DPP6: variants seen among roughly 807,000 people sequenced by gnomAD.
DPP6 encodes the protein dipeptidyl peptidase like 6.
In DPP6, 69 loss-of-function variants were observed where a neutral mutation model predicts 122.6. That is an observed-to-expected ratio of 0.56 (90% CI 0.46 to 0.69). The LOEUF is 0.69. DPP6 is among the 30% of genes least tolerant of loss of function. DPP6 has a pLI of 0.00. For missense variants in DPP6, 928 were observed against 1,116.9 expected, an observed-to-expected ratio of 0.83 and a Z score of 2.41; for synonymous variants, 418 against 433.1, an observed-to-expected ratio of 0.97 and a Z score of 0.43.
intron 10 of DPP6, among the ~76,000 whole-genome samples, chr7:154,779,063 A>G (rs111204741): frequency 3.1e-3 from 7 of 2,252 alleles, no homozygotes; most frequent in Admixed American, 5.1e-3. Context: ...CACCATCACC[A>G]CCATCACCTC....
At chr7:153,906,275 G>T (rs1041068489) in intron 1 of DPP6, among the ~76,000 whole-genome samples, 1 of 152,100 alleles carries the variant, frequency 6.6e-6, no homozygotes, top group Non-Finnish European at 1.5e-5. Flanking sequence ...GGTGAAGTCT[G>T]GGCTTTTTGT....
intron 7 of DPP6, among the ~76,000 whole-genome samples, chr7:154,693,166 G>T (rs116217392): frequency 0.014 from 2,193 of 151,990 alleles, 54 homozygotes; most frequent in African/African-American, 0.049. Flanking sequence ...GTGGTAATTT[G>T]GCTCCCCTAA....
chr7:154,841,387 G>A (rs969275085), intron 16 of DPP6, among the ~76,000 whole-genome samples: 2 of 148,862 alleles, frequency 1.3e-5, no homozygotes, highest in African/African-American at 2.5e-5. Flanking sequence ...TTGCCTCAGC[G>A]CACAAAACTG....
chr7:153,759,258 C>T, the DPP6 span, among the ~76,000 whole-genome samples: 1 of 151,130 alleles, frequency 6.6e-6, no homozygotes, highest in African/African-American at 2.4e-5. Context: ...TCATAAATGT[C>T]TTTATCAGCT....
At chr7:153,855,650 C>T in the DPP6 span, among the ~76,000 whole-genome samples, 2 of 152,136 alleles carry the variant, frequency 1.3e-5, no homozygotes, top group African/African-American at 4.8e-5. Flanking sequence ...CAATAGGGCT[C>T]CCAAATCTAC....
chr7:154,542,798 A>G (rs946480689), intron 4 of DPP6, among the ~76,000 whole-genome samples: 24 of 152,228 alleles, frequency 1.6e-4, no homozygotes, highest in African/African-American at 5.3e-4. Flanking sequence ...TAAAGAAGAC[A>G]AAAAATGTCA....
intron 16 of DPP6, among the ~76,000 whole-genome samples, chr7:154,809,115 G>A (rs530480679): frequency 1.1e-4 from 17 of 152,154 alleles, no homozygotes; most frequent in Non-Finnish European, 1.8e-4. Context: ...GCTTCTCACC[G>A]TTCATGGAAA....
intron 5 of DPP6, among the ~76,000 whole-genome samples, chr7:154,598,953 C>A (rs1173416107): frequency 6.6e-6 from 1 of 152,100 alleles, no homozygotes; most frequent in Non-Finnish European, 1.5e-5. Context: ...GTTAAGGGGG[C>A]CAAATGGTAT....
intron 1 of DPP6, among the ~76,000 whole-genome samples, chr7:154,340,516 A>G (rs1274051840): frequency 6.6e-6 from 1 of 152,210 alleles, no homozygotes; most frequent in African/African-American, 2.4e-5. Flanking sequence ...GGCTATGGTG[A>G]ATAATTTATC....
chr7:154,710,776 TC>T (rs1399860322), intron 7 of DPP6, among the ~76,000 whole-genome samples: 2 of 152,184 alleles, frequency 1.3e-5, no homozygotes, highest in African/African-American at 2.4e-5. Flanking sequence ...TGTAGAGTGT[TC>T]CAGTGACAGG....
intron 1 of DPP6, among the ~76,000 whole-genome samples, chr7:154,077,314 G>T (rs2533692): frequency 6.6e-6 from 1 of 152,324 alleles, no homozygotes; most frequent in African/African-American, 2.4e-5. Context: ...TGTGTAGAAT[G>T]AAGAAGCCAG....
intron 1 of DPP6, chr7:154,093,575 CACAA>C (rs1290174554): frequency 2.9e-5 from 4 of 140,098 alleles, no homozygotes; most frequent in South Asian, 4.9e-4. Context: ...CTGTACACAC[CACAA>C]ACACACACAC....
At chr7:153,833,772 G>C in the DPP6 span, among the ~76,000 whole-genome samples, 11 of 152,174 alleles carry the variant, frequency 7.2e-5, no homozygotes, top group African/African-American at 2.4e-4. Context: ...CTCATGTCTT[G>C]CTGTACAACA....
the DPP6 span, among the ~76,000 whole-genome samples, chr7:153,777,822 T>C: frequency 1.2e-4 from 17 of 142,074 alleles, no homozygotes; most frequent in Admixed American, 9.6e-4. Flanking sequence ...TGGTAGTTAA[T>C]ACGTGATTTT....
At chr7:154,131,889 A>T (rs1245607775) in intron 1 of DPP6, among the ~76,000 whole-genome samples, 1 of 152,124 alleles carries the variant, frequency 6.6e-6, no homozygotes, top group Non-Finnish European at 1.5e-5. Flanking sequence ...TAAATTGTGT[A>T]CTCTCTGAAA....
intron 1 of DPP6, among the ~76,000 whole-genome samples, chr7:154,242,211 G>T (rs543862308): frequency 6.6e-6 from 1 of 152,126 alleles, no homozygotes; most frequent in Non-Finnish European, 1.5e-5. Flanking sequence ...TTTGTCTGAC[G>T]TTGACATGTA....
intron 3 of DPP6, among the ~76,000 whole-genome samples, chr7:154,523,481 C>T (rs1464527353): frequency 1.3e-5 from 2 of 152,182 alleles, no homozygotes; most frequent in Admixed American, 6.5e-5. Flanking sequence ...ATCATTGTAT[C>T]TGACAAAAAC....
chr7:153,981,553 A>G (rs1373327041), intron 1 of DPP6, among the ~76,000 whole-genome samples: 4 of 152,166 alleles, frequency 2.6e-5, no homozygotes, highest in Non-Finnish European at 5.9e-5. Context: ...TTTAAGGTTA[A>G]TACTGTTATG....
chr7:153,890,119 C>CAGCTGAGCTGTCACTGATAGCTGAG (rs1799123217), intron 1 of DPP6, among the ~76,000 whole-genome samples: 2 of 152,176 alleles, frequency 1.3e-5, no homozygotes, highest in Non-Finnish European at 2.9e-5. Context: ...ATGATTTACT[C>CAGCTGAGCTGTCACTGATAGCTGAG]CTATTACTGA....
Sources: gnomAD v4.1 joint callset for allele counts (sites outside exome capture counted in the v4.1 genomes callset) on GRCh38, gnomAD v4.1.1 for gene constraint, MANE v1.5 for transcripts, NCBI Gene and HGNC (gene_info 2026-07-23, HGNC 2026-07-21) for gene names.